The following KLHL4 variants were observed in gnomAD, a reference collection of about 807,000 sequenced individuals.
KLHL4 encodes the protein kelch-like protein 4.
Under a neutral mutation model 45.8 loss-of-function variants are expected in KLHL4, and 17 were observed. The ratio of observed to expected loss-of-function variants is 0.37; its 90% confidence interval spans 0.25 to 0.56. KLHL4 has a LOEUF of 0.56. Ranked by LOEUF, KLHL4 falls within the 20% of genes least tolerant of loss-of-function variation. The pLI, the probability that KLHL4 is intolerant of heterozygous loss-of-function variation, is 0.79. For missense variants in KLHL4, 544 were observed against 544.9 expected (o/e 1.00, Z 0.02); for synonymous variants, 224 against 189.9 (o/e 1.18, Z -1.47).
At chrX:87,555,319 T>A (rs1569340573) in intron 1 of KLHL4, among the ~76,000 whole-genome samples, 1 of 110,443 alleles carries the variant, frequency 9.1e-6, no homozygotes, top group Non-Finnish European at 1.9e-5. Flanking sequence ...GTACCTCTGG[T>A]AGAATTCGGC....
chrX:87,610,138 C>T (rs1922324740), intron 1 of KLHL4, among the ~76,000 whole-genome samples: 1 of 111,971 alleles, frequency 8.9e-6, no homozygotes, highest in South Asian at 3.7e-4. Context: ...GCCTCCCCAT[C>T]CCAAAGCCTC....
intron 9 of KLHL4, among the ~76,000 whole-genome samples, chrX:87,646,968 G>T (rs1923659139): frequency 9.0e-6 from 1 of 110,856 alleles, no homozygotes; most frequent in Non-Finnish European, 1.9e-5. Context: ...TCCTACAGAG[G>T]GGGAGAAAAT....
intron 1 of KLHL4, among the ~76,000 whole-genome samples, chrX:87,544,407 G>A (rs1033146505): frequency 1.8e-5 from 2 of 111,803 alleles, no homozygotes; most frequent in African/African-American, 6.5e-5. Flanking sequence ...TCACTGCCTT[G>A]AAGGGAAAGA....
intron 9 of KLHL4, among the ~76,000 whole-genome samples, chrX:87,653,216 A>G (rs1302456572): frequency 9.0e-6 from 1 of 111,633 alleles, no homozygotes; most frequent in Non-Finnish European, 1.9e-5. Context: ...ATTTTTGTAT[A>G]AGGTGTAAGG....
At chrX:87,648,647 G>A (rs1341250214) in intron 9 of KLHL4, among the ~76,000 whole-genome samples, 2 of 107,575 alleles carry the variant, frequency 1.9e-5, no homozygotes, top group African/African-American at 3.7e-5. Flanking sequence ...TAAAGAAAAA[G>A]GATGAATATT....
intron 1 of KLHL4, among the ~76,000 whole-genome samples, chrX:87,613,594 A>G (rs1057498440): frequency 2.7e-5 from 3 of 111,860 alleles, no homozygotes; most frequent in Non-Finnish European, 5.6e-5. Flanking sequence ...TGTGAATATA[A>G]CAACCAGCAC....
At chrX:87,524,686 C>A (rs1024021722) in intron 1 of KLHL4, among the ~76,000 whole-genome samples, 1 of 111,299 alleles carries the variant, frequency 9.0e-6, no homozygotes, top group Non-Finnish European at 1.9e-5. Context: ...AGAAAAGGGA[C>A]CTTTAGTGGA....
Position 87,574,476 on chromosome X carries a change from T to G in KLHL4, c.423-39401T>G, listed in dbSNP as rs148266212. On this transcript the variant is annotated intron_variant, in intron 1 of 10. Transcript: ENST00000373119. ...TATTAGATTGAGAAACCCACTCAGT[T>G]TGTCAAGAAGAATGCTGGCAATGCA... 7.7e-3 allele frequency among the ~76,000 whole-genome samples: 860 copies of G among 111,891 alleles called. 6 individuals are homozygous for G. Among genetic ancestry groups the G allele is most frequent in the African/African-American group, 0.026 (819 of 30,921 alleles).
intron 3 of KLHL4, 60 bp from the exon 4 acceptor site, chrX:87,617,872 T>C (rs1370307610): frequency 5.0e-5 from 50 of 991,270 alleles, no homozygotes; most frequent in Non-Finnish European, 6.4e-5. Flanking sequence ...TGTCAACTAG[T>C]TGACGTAGTT....
At chrX:87,603,193 C>T (rs1341151141) in intron 1 of KLHL4, among the ~76,000 whole-genome samples, 1 of 111,758 alleles carries the variant, frequency 8.9e-6, no homozygotes, top group Non-Finnish European at 1.9e-5. Flanking sequence ...TTAGCATTTG[C>T]ATGCGTTTTA....
chrX:87,650,804 A>G (rs755296340), intron 9 of KLHL4, among the ~76,000 whole-genome samples: 40 of 111,970 alleles, frequency 3.6e-4, no homozygotes, highest in Middle Eastern at 9.3e-3. Flanking sequence ...TAATGGACTC[A>G]CAGTTCCACG....
intron 1 of KLHL4, among the ~76,000 whole-genome samples, chrX:87,597,696 G>T (rs1425191589): frequency 9.0e-6 from 1 of 111,343 alleles, no homozygotes; most frequent in Non-Finnish European, 1.9e-5. Context: ...TATACTAGGT[G>T]GTAAACATTG....
chrX:87,666,188 T>C (rs1924363303), intron 10 of KLHL4, among the ~76,000 whole-genome samples: 1 of 111,302 alleles, frequency 9.0e-6, no homozygotes, highest in African/African-American at 3.3e-5. Context: ...ACAAAAACCT[T>C]GACGTGTTAG....
intron 1 of KLHL4, among the ~76,000 whole-genome samples, chrX:87,552,466 G>T (rs1931851440): frequency 9.0e-6 from 1 of 111,400 alleles, no homozygotes; most frequent in Non-Finnish European, 1.9e-5. Flanking sequence ...ATGTAAACTA[G>T]TACAGCCACT....
chrX:87,557,633 T>C (rs1798225886), intron 1 of KLHL4, among the ~76,000 whole-genome samples: 1 of 111,901 alleles, frequency 8.9e-6, no homozygotes, highest in South Asian at 3.7e-4. Context: ...TTTGCTTCAA[T>C]CTTCTGTTTT....
At position 87,664,803 on chromosome X, in the gene KLHL4, T is replaced by A. The variant is rs41304060; in HGVS notation, c.1965T>A (p.Pro655=). The A allele has an allele frequency of 7.5e-6, 9 of 1,204,526 alleles. No homozygotes were observed. The highest frequency in any genetic ancestry group is 1.0e-5 in the Non-Finnish European group (9 of 891,298). Residue 655 remains proline, a synonymous_variant, in exon 10 of 11, where the codon CCT becomes CCA. Transcript: ENST00000373119. ...PKGDSWSTVA[P]LSVPRDAVAV... ...GTGATTCATGGTCAACTGTGGCACC[T>A]CTGAGTGTTCCTCGAGATGCTGTTG...
At position 87,596,688 on chromosome X, in the gene KLHL4, A is replaced by T. The variant is rs377526226; in HGVS notation, c.423-17189A>T. ...AGTTCCTTTCTAACTGAGCTAAAAC[A>T]TGATTACAGGGAGGCAGGGCAGAAC... On this transcript the variant is annotated intron_variant, in intron 1 of 10. Coordinates refer to ENST00000373119, the MANE Select transcript of KLHL4 (RefSeq NM_019117.5). Among the ~76,000 whole-genome samples, 24 of 112,103 alleles carry T rather than the reference A, an allele frequency of 2.1e-4. No individual in the cohort carries two copies. The East Asian group carries it at 5.6e-3, about 26-fold the overall frequency.
intron 1 of KLHL4, among the ~76,000 whole-genome samples, chrX:87,532,142 T>A (rs1382749651): frequency 5.5e-5 from 6 of 109,674 alleles, no homozygotes; most frequent in Non-Finnish European, 5.7e-5. Flanking sequence ...AGTTTCAGCT[T>A]TCTACATATG....
intron 1 of KLHL4, among the ~76,000 whole-genome samples, chrX:87,594,822 T>C (rs1921786329): frequency 8.9e-6 from 1 of 111,857 alleles, no homozygotes; most frequent in South Asian, 3.7e-4. Flanking sequence ...AAATCTCTTT[T>C]GTCTCACCAA....
Sources: gnomAD v4.1 joint callset for allele counts (sites outside exome capture counted in the v4.1 genomes callset) on GRCh38, gnomAD v4.1.1 for gene constraint, MANE v1.5 for transcripts, NCBI Gene and HGNC (gene_info 2026-07-23, HGNC 2026-07-21) for gene names.